Variants in TADA1 observed in about 807,000 individuals in gnomAD.
The protein encoded by TADA1 is transcriptional adaptor 1.
Under a neutral mutation model 39.3 loss-of-function variants are expected in TADA1, and 23 were observed. The ratio of observed to expected loss-of-function variants is 0.58; its 90% CI spans 0.42 to 0.83. TADA1 has a LOEUF of 0.83. Among genes scored for constraint, TADA1 ranks in the 40% least tolerant of loss-of-function variants. TADA1 has a pLI of 0.00. For missense variants in TADA1, 352 were observed against 408.1 expected (o/e 0.86, Z 1.18); for synonymous variants, 137 against 151.8 (o/e 0.90, Z 0.72).
Position 166,869,912 on chromosome 1 carries a change from GTTTGT to G in TADA1, c.75-63_75-59del, listed in dbSNP as rs931602611. 47 of 1,453,338 alleles carry G rather than the reference GTTTGT, an allele frequency of 3.2e-5. No individual in the cohort carries two copies. In the African/African-American group the frequency reaches 6.5e-4, roughly 20 times the overall value. 90.0% of individuals were successfully genotyped at this position (1,453,338 alleles called of 1,614,324 possible). ...GATTTGGCTGCTTCTAGTTTTTTTT[GTTTGT>G]TTTGTTTTTTTAAAGAGACGGGGTT... On this transcript the variant is annotated intron_variant, in intron 1 of 7. Transcript: ENST00000367874.
chr1:166,867,067 A>G (rs1307662680), intron 3 of TADA1, among the ~76,000 whole-genome samples: 1 of 152,044 alleles, frequency 6.6e-6, no homozygotes, highest in Non-Finnish European at 1.5e-5. Context: ...TTTTAAAATC[A>G]CTTTTTTATA....
At chr1:166,857,842 A>G in intron 7 of TADA1, 123 bp from the exon 8 acceptor site, 1 of 1,096,852 alleles carries the variant, frequency 9.1e-7, no homozygotes, top group Non-Finnish European at 1.3e-6. Context: ...ATACACTAAA[A>G]TGAATCACCA....
chr1:166,868,064 T>C (rs1303258568), intron 3 of TADA1, among the ~76,000 whole-genome samples: 2 of 152,212 alleles, frequency 1.3e-5, no homozygotes, highest in African/African-American at 4.8e-5. Context: ...TTTTGTAGTC[T>C]TATGAATAGA....
In TADA1 at chr1:166,863,842, A is replaced by G. The variant is rs1658469755; in HGVS notation, c.312T>C (p.Ser104=). ...GKPKGKKKLS[S]VRQKFDHRFQ... is the part of the protein sequence containing the mutation. The stretch of plus-strand genomic sequence containing the variant: ...AACCTACATCAAATTTCTGACGAAC[A>G]GAAGAAAGCTTTTTCTTTCCCTTGG... Residue 104 remains serine, a synonymous_variant, in exon 4 of 8, where the codon TCT becomes TCC. Coordinates refer to ENST00000367874, the MANE Select transcript of TADA1 (RefSeq NM_053053.4). 2 of 1,611,148 alleles carry G rather than the reference A, an allele frequency of 1.2e-6. No individual in the cohort carries two copies. The highest frequency in any genetic ancestry group is 1.7e-6 in the Non-Finnish European group (2 of 1,179,352).
chr1:166,875,473 AAG>A (rs1418750308), intron 1 of TADA1, among the ~76,000 whole-genome samples: 1 of 152,186 alleles, frequency 6.6e-6, no homozygotes, highest in Non-Finnish European at 1.5e-5. Context: ...GTGACTTTTG[AAG>A]AGTTACTTGT....
rs1658616785 is a variant in TADA1, at chr1:166,869,750, A to G, written c.166+13T>C. The G allele has an allele frequency of 6.3e-7, 1 of 1,598,756 alleles. No homozygotes were observed. Among genetic ancestry groups the G allele is most frequent in the Non-Finnish European group, 8.6e-7 (1 of 1,166,760 alleles). ...ACAGAATAGTAAAATAACTCTGCAG[A>G]TAATTATTTTACCATTATCCTGTGT... On this transcript the variant is annotated intron_variant, in intron 2 of 7. Transcript: ENST00000367874.
chr1:166,874,800 A>G (rs879614166), intron 1 of TADA1, among the ~76,000 whole-genome samples: 7 of 152,226 alleles, frequency 4.6e-5, no homozygotes, highest in Non-Finnish European at 1.0e-4. Context: ...AAAGTGAAAC[A>G]TATCTCTGGG....
At chr1:166,873,845 T>C (rs548325068) in intron 1 of TADA1, among the ~76,000 whole-genome samples, 15 of 152,248 alleles carry the variant, frequency 9.9e-5, no homozygotes, top group African/African-American at 3.4e-4. Context: ...TAAGGAATGC[T>C]AACTTCAAAA....
chr1:166,858,057 G>A lies in TADA1; in HGVS notation c.855+62C>T, dbSNP rs576292875. ...GAAAAAACCAGTGAATACCTTTGTA[G>A]ACTTAAAGAATCTCTTAACCTATCC... On this transcript the variant is annotated intron_variant, in intron 7 of 7. Transcript: ENST00000367874. 6 of 1,583,708 alleles carry A rather than the reference G, an allele frequency of 3.8e-6. No individual in the cohort carries two copies. The East Asian group carries it at 1.1e-4, about 30-fold the overall frequency.
At chr1:166,859,036 T>G (rs924313514) in intron 6 of TADA1, among the ~76,000 whole-genome samples, 4 of 152,196 alleles carry the variant, frequency 2.6e-5, no homozygotes, top group Non-Finnish European at 5.9e-5. Context: ...TGGGGATTTG[T>G]TTTTTTCTAG....
intron 4 of TADA1, chr1:166,863,137 T>G (rs1232568140): frequency 6.6e-6 from 1 of 152,404 alleles, no homozygotes; most frequent in Non-Finnish European, 1.5e-5. Flanking sequence ...ACAACATGGT[T>G]ATTTTTCCAT....
chr1:166,869,192 T>C, intron 3 of TADA1: 1 of 453,180 alleles, frequency 2.2e-6, no homozygotes. Flanking sequence ...GAGGTTTGGG[T>C]TCCACTGGAA....
intron 1 of TADA1, among the ~76,000 whole-genome samples, chr1:166,875,531 C>G (rs1441679831): frequency 6.6e-6 from 1 of 152,248 alleles, no homozygotes; most frequent in Non-Finnish European, 1.5e-5. Flanking sequence ...GGAATAACAA[C>G]TGTACCTATC....
rs1658534323 is a variant in TADA1 at position 166,866,323 on chromosome 1, CTTAA to C, written c.233-2406_233-2403del. 2.0e-5 allele frequency among the ~76,000 whole-genome samples: 3 copies of C among 152,280 alleles called. No individual in the cohort carries two copies. The South Asian group carries it at 6.2e-4, about 32-fold the overall frequency. ...TTTCTTTTGTTTTGTTTTCTCTTCT[CTTAA>C]TTTTGTTTCCTTATCTATAAAAACA... On this transcript the variant is annotated intron_variant, in intron 3 of 7. Transcript: ENST00000367874.
intron 3 of TADA1, among the ~76,000 whole-genome samples, chr1:166,865,819 CA>C (rs943466929): frequency 1.7e-4 from 21 of 120,620 alleles, no homozygotes; most frequent in African/African-American, 3.4e-4. Flanking sequence ...ACTCCGCCTC[CA>C]AAAAAAAAAG....
chr1:166,858,932 C>T (rs776735447), intron 6 of TADA1, among the ~76,000 whole-genome samples: 17 of 152,342 alleles, frequency 1.1e-4, no homozygotes, highest in Admixed American at 2.0e-4. Context: ...GAGGCAAAAG[C>T]CCTCAGAGAC....
At chr1:166,870,339 C>T (rs1389540095) in intron 1 of TADA1, among the ~76,000 whole-genome samples, 2 of 152,320 alleles carry the variant, frequency 1.3e-5, no homozygotes, top group African/African-American at 2.4e-5. Context: ...CATGTGAACA[C>T]ACAACAAGAA....
Position 166,874,491 on chromosome 1 carries a change from G to A in TADA1, c.74+1669C>T, listed in dbSNP as rs1017787025. Among the ~76,000 whole-genome samples, 12 of 152,022 alleles carry A rather than the reference G, an allele frequency of 7.9e-5. No individual in the cohort carries two copies. The South Asian group carries it at 1.0e-3, about 13-fold the overall frequency. The stretch of plus-strand genomic sequence containing the variant: ...ACATCAATATCGAAAGACAATTTTC[G>A]GTGGTACACTATAGTCGGGTGTGGT... On this transcript the variant is annotated intron_variant, in intron 1 of 7. Transcript: ENST00000367874.
chr1:166,860,916 A>G (rs1246956216), intron 5 of TADA1, among the ~76,000 whole-genome samples: 1 of 152,174 alleles, frequency 6.6e-6, no homozygotes, highest in Non-Finnish European at 1.5e-5. Flanking sequence ...TGACCCGCCC[A>G]TCTCAGCCTC....
Sources: allele counts gnomAD v4.1 joint callset (sites outside exome capture counted in the v4.1 genomes callset), GRCh38; gene constraint gnomAD v4.1.1; transcripts MANE v1.5; gene names NCBI Gene and HGNC (gene_info 2026-07-23, HGNC 2026-07-21).